PCDH15: variants seen among roughly 807,000 people sequenced by gnomAD.
PCDH15 encodes protocadherin related 15, also known as protocadherin-15.
PCDH15 carries 129 observed loss-of-function variants against 178.5 expected under a neutral mutation model. The ratio of observed to expected loss-of-function variants is 0.72; its 90% CI spans 0.63 to 0.84. PCDH15 has a LOEUF of 0.84. Ranked by LOEUF, PCDH15 falls within the 40% of genes least tolerant of loss-of-function variation. The pLI, the probability that PCDH15 is intolerant of heterozygous loss-of-function variation, is 0.00. For synonymous variants in PCDH15, 800 were observed against 732.0 expected (o/e 1.09, Z -1.50); for missense variants, 2,230 against 2,099.9 (o/e 1.06, Z -1.21).
chr10:54,438,139 A>T (rs2075546321), intron 3 of PCDH15, among the ~76,000 whole-genome samples: 2 of 152,140 alleles, frequency 1.3e-5, no homozygotes, highest in Non-Finnish European at 2.9e-5. Context: ...CACCTAGCTC[A>T]GAATTGATAT....
intron 2 of PCDH15, among the ~76,000 whole-genome samples, chr10:55,571,792 C>T (rs1176888695): frequency 6.6e-6 from 1 of 151,938 alleles, no homozygotes; most frequent in African/African-American, 2.4e-5. Context: ...GGGAATTGGA[C>T]AAAGATATTC....
intron 2 of PCDH15, among the ~76,000 whole-genome samples, chr10:54,569,973 C>T (rs2089572177): frequency 1.3e-5 from 2 of 151,970 alleles, no homozygotes; most frequent in South Asian, 2.1e-4. Flanking sequence ...AATCAGACCT[C>T]TAGAGGAGGG....
chr10:54,941,373 T>A (rs1315863225), intron 2 of PCDH15, among the ~76,000 whole-genome samples: 2 of 152,074 alleles, frequency 1.3e-5, no homozygotes, highest in Admixed American at 1.3e-4. Flanking sequence ...CTGTTGAGAT[T>A]CCCTAGAGAA....
At chr10:54,048,733 A>G (rs1479461089) in intron 18 of PCDH15, among the ~76,000 whole-genome samples, 1 of 151,992 alleles carries the variant, frequency 6.6e-6, no homozygotes, top group African/African-American at 2.4e-5. Flanking sequence ...CCGTTAACCT[A>G]TGTGTCTGTC....
intron 2 of PCDH15, among the ~76,000 whole-genome samples, chr10:54,539,667 C>T (rs1219789): frequency 0.074 from 11,246 of 152,142 alleles, 1,376 homozygotes; most frequent in African/African-American, 0.25. Context: ...ATATCAACCA[C>T]AGAATATACA....
At chr10:55,387,597 A>C (rs1037582674) in intron 2 of PCDH15, among the ~76,000 whole-genome samples, 3 of 152,148 alleles carry the variant, frequency 2.0e-5, no homozygotes, top group Non-Finnish European at 4.4e-5. Context: ...TGTATAAGTA[A>C]AGTCTCACAC....
At chr10:54,981,724 CAG>C (rs1223453689) in intron 2 of PCDH15, among the ~76,000 whole-genome samples, 1 of 152,046 alleles carries the variant, frequency 6.6e-6, no homozygotes, top group African/African-American at 2.4e-5. Context: ...TGCCAAGCTT[CAG>C]AGTTTGTTTG....
At chr10:54,675,098 G>A (rs373415937) in intron 1 of PCDH15, among the ~76,000 whole-genome samples, 84 of 151,850 alleles carry the variant, frequency 5.5e-4, no homozygotes, top group African/African-American at 1.2e-3. Context: ...TGTATGGTAC[G>A]TTCATTACTA....
intron 1 of PCDH15, among the ~76,000 whole-genome samples, chr10:54,703,208 G>A (rs374803250): frequency 5.7e-4 from 87 of 152,038 alleles, no homozygotes; most frequent in African/African-American, 1.9e-3. Context: ...CACCAAATAA[G>A]GCATTGAGTA....
chr10:53,894,531 T>A (rs2081816089), intron 26 of PCDH15, among the ~76,000 whole-genome samples: 1 of 152,166 alleles, frequency 6.6e-6, no homozygotes, highest in Non-Finnish European at 1.5e-5. Context: ...TTCAGGCTGG[T>A]TCTTGTTTGC....
chr10:54,392,622 G>A (rs901932944), intron 3 of PCDH15, among the ~76,000 whole-genome samples: 4 of 151,770 alleles, frequency 2.6e-5, no homozygotes, highest in Non-Finnish European at 5.9e-5. Context: ...TCTGTGGCCA[G>A]GCACGCTGGC....
intron 36 of PCDH15, among the ~76,000 whole-genome samples, chr10:53,810,948 T>C (rs2075843542): frequency 6.6e-6 from 1 of 152,190 alleles, no homozygotes; most frequent in African/African-American, 2.4e-5. Context: ...AGCCATATTG[T>C]GTCTTAACTA....
chr10:54,218,678 G>A (rs1433565265), intron 9 of PCDH15, among the ~76,000 whole-genome samples: 1 of 152,144 alleles, frequency 6.6e-6, no homozygotes, highest in Non-Finnish European at 1.5e-5. Flanking sequence ...TGTTGCTTAA[G>A]CTACTCAGTC....
intron 1 of PCDH15, among the ~76,000 whole-genome samples, chr10:54,671,530 A>T (rs973991518): frequency 3.3e-5 from 5 of 152,188 alleles, no homozygotes; most frequent in Non-Finnish European, 7.3e-5. Context: ...AGGGTAAACT[A>T]GTTAAAACTT....
At chr10:53,877,664 T>C (rs2080344133) in intron 26 of PCDH15, among the ~76,000 whole-genome samples, 1 of 152,172 alleles carries the variant, frequency 6.6e-6, no homozygotes, top group African/African-American at 2.4e-5. Flanking sequence ...CTGACTATCA[T>C]ATGTGGTTCT....
chr10:54,599,578 A>C, intron 2 of PCDH15: 1 of 291,270 alleles, frequency 3.4e-6, no homozygotes, highest in South Asian at 3.6e-5. Context: ...AGGCAATACT[A>C]TTCTGAACAT....
intron 2 of PCDH15, among the ~76,000 whole-genome samples, chr10:54,923,809 TA>T (rs1011752081): frequency 1.4e-5 from 2 of 138,226 alleles, no homozygotes; most frequent in Non-Finnish European, 3.4e-5. Flanking sequence ...TGCAACAATT[TA>T]AAATGTCTCT....
At chr10:53,970,491 A>G (rs962314839) in intron 21 of PCDH15, among the ~76,000 whole-genome samples, 2 of 143,634 alleles carry the variant, frequency 1.4e-5, no homozygotes, top group African/African-American at 4.9e-5. Flanking sequence ...AAATCAATGA[A>G]TCCAGGAGCT....
chr10:54,672,799 CT>C (rs1565907065), intron 1 of PCDH15, among the ~76,000 whole-genome samples: 1 of 151,968 alleles, frequency 6.6e-6, no homozygotes, highest in East Asian at 1.9e-4. Context: ...TACAACTTTT[CT>C]GTTTCTTATA....
Sources: gnomAD v4.1 joint callset for allele counts (sites outside exome capture counted in the v4.1 genomes callset) on GRCh38, gnomAD v4.1.1 for gene constraint, MANE v1.5 for transcripts, NCBI Gene and HGNC (gene_info 2026-07-23, HGNC 2026-07-21) for gene names.